DNM3: variants seen among roughly 807,000 people sequenced by gnomAD.
The protein encoded by DNM3 is dynamin-3.
A neutral mutation model predicts 101.6 loss-of-function variants in DNM3; 47 were observed. The observed-to-expected ratio is 0.46, with a 90% CI of 0.37 to 0.59. The LOEUF is 0.59. Among genes scored for constraint, DNM3 ranks in the 20% least tolerant of loss-of-function variants. The pLI, the probability that DNM3 is intolerant of heterozygous loss-of-function variation, is 0.00. For missense variants in DNM3, 849 were observed against 1,085.7 expected, an observed-to-expected ratio of 0.78 and a Z score of 3.06; for synonymous variants, 385 against 387.9, an observed-to-expected ratio of 0.99 and a Z score of 0.09.
At chr1:172,400,793 A>C (rs1304219664) in intron 20 of DNM3, among the ~76,000 whole-genome samples, 3 of 152,208 alleles carry the variant, frequency 2.0e-5, no homozygotes, top group Non-Finnish European at 2.9e-5. Flanking sequence ...ATAAAGAATA[A>C]GACAACCCTT....
intron 14 of DNM3, among the ~76,000 whole-genome samples, chr1:172,152,638 C>T (rs1395788520): frequency 6.6e-6 from 1 of 151,876 alleles, no homozygotes; most frequent in African/African-American, 2.4e-5. Context: ...TGTTGCATTC[C>T]CATACTATAT....
intron 10 of DNM3, among the ~76,000 whole-genome samples, chr1:172,066,585 A>G (rs973798099): frequency 6.6e-6 from 1 of 152,150 alleles, no homozygotes. Context: ...TAAAAGCCCC[A>G]CTTGTCAATA....
intron 1 of DNM3, among the ~76,000 whole-genome samples, chr1:171,893,156 G>C (rs1249439013): frequency 6.6e-6 from 1 of 152,116 alleles, no homozygotes; most frequent in Non-Finnish European, 1.5e-5. Flanking sequence ...TTGCAATAGA[G>C]TTAGACTGTC....
At chr1:172,093,654 C>CT (rs758272046) in intron 13 of DNM3, 24 of 1,571,070 alleles carry the variant, frequency 1.5e-5, no homozygotes, top group African/African-American at 6.9e-5. Context: ...ATTTTAAAAA[C>CT]TTTTTTTCTG....
intron 14 of DNM3, chr1:172,136,965 T>A (rs1237467405): frequency 6.6e-6 from 1 of 152,192 alleles, no homozygotes; most frequent in Non-Finnish European, 1.5e-5. Context: ...AACTTTATGT[T>A]TTAAGGAAAA....
chr1:171,848,371 G>A (rs192705541), intron 1 of DNM3, among the ~76,000 whole-genome samples: 83 of 152,214 alleles, frequency 5.5e-4, no homozygotes, highest in African/African-American at 1.8e-3. Flanking sequence ...ACTTAGGCAA[G>A]TTAATTTGAC....
intron 14 of DNM3, among the ~76,000 whole-genome samples, chr1:172,148,540 A>C (rs10911111): frequency 6.6e-6 from 1 of 151,970 alleles, no homozygotes; most frequent in African/African-American, 2.4e-5. Context: ...TAAACATTGA[A>C]CCAACCATAT....
intron 18 of DNM3, 111 bp downstream of exon 18, chr1:172,379,293 AC>A: frequency 2.1e-6 from 2 of 951,864 alleles, no homozygotes; most frequent in Non-Finnish European, 3.1e-6. Context: ...AAATAATATT[AC>A]CCAGGTTCAT....
intron 1 of DNM3, among the ~76,000 whole-genome samples, chr1:171,906,167 A>G (rs1163387203): frequency 1.4e-5 from 2 of 145,136 alleles, no homozygotes; most frequent in East Asian, 4.0e-4. Context: ...TCCTTCTGTC[A>G]CCCAGGCTGG....
At position 171,921,738 on chromosome 1, in the gene DNM3, CT is replaced by C. The variant is rs901837491; in HGVS notation, c.162-3del. On this transcript the variant is annotated splice_polypyrimidine_tract_variant and intron_variant, in intron 1 of 20. Transcript: ENST00000627582. The stretch of plus-strand genomic sequence containing the variant: ...TTCATGCCTTAATCTGTATTTCTTA[CT>C]TTTTTTAGGGACTTTCTCCCTCGAG... 5 of 1,572,844 alleles carry C rather than the reference CT, an allele frequency of 3.2e-6. No individual in the cohort carries two copies. The highest frequency in any genetic ancestry group is 2.3e-5 in the East Asian group (1 of 43,396).
At chr1:172,059,647 C>G (rs78207753) in intron 10 of DNM3, among the ~76,000 whole-genome samples, 3,654 of 69,016 alleles carry the variant, frequency 0.053, 19 homozygotes, top group East Asian at 0.16. Context: ...ATTCAACAAC[C>G]CTTCATGCTA....
intron 10 of DNM3, among the ~76,000 whole-genome samples, chr1:172,066,791 G>GATCT (rs1447107603): frequency 6.6e-6 from 1 of 152,084 alleles, no homozygotes; most frequent in Non-Finnish European, 1.5e-5. Flanking sequence ...CACGTAAGTG[G>GATCT]ATCTACCTTC....
At chr1:171,980,068 T>A (rs1282298384) in intron 2 of DNM3, among the ~76,000 whole-genome samples, 4 of 152,088 alleles carry the variant, frequency 2.6e-5, no homozygotes, top group Admixed American at 1.3e-4. Context: ...CTCACCCTAT[T>A]GTTCTTAACT....
chr1:172,120,043 T>G (rs1410297688), intron 13 of DNM3, among the ~76,000 whole-genome samples: 1 of 152,218 alleles, frequency 6.6e-6, no homozygotes, highest in African/African-American at 2.4e-5. Flanking sequence ...CTCTCGAATC[T>G]CTTCACCAAC....
chr1:172,271,673 A>G (rs1417338867), intron 15 of DNM3, among the ~76,000 whole-genome samples: 1 of 152,126 alleles, frequency 6.6e-6, no homozygotes, highest in Non-Finnish European at 1.5e-5. Flanking sequence ...TTAAAAGTTA[A>G]TTGCAATGAG....
intron 1 of DNM3, among the ~76,000 whole-genome samples, chr1:171,910,218 C>G (rs2039182747): frequency 6.6e-6 from 1 of 152,180 alleles, no homozygotes; most frequent in South Asian, 2.1e-4. Flanking sequence ...ATACAATAGT[C>G]TTCCCTTATC....
At chr1:172,195,185 A>G (rs2059902832) in intron 14 of DNM3, among the ~76,000 whole-genome samples, 1 of 151,960 alleles carries the variant, frequency 6.6e-6, no homozygotes, top group African/African-American at 2.4e-5. Context: ...AAACATCCAA[A>G]CCATATCAAT....
At chr1:172,387,081 C>T in intron 18 of DNM3, 52 bp from the exon 19 acceptor site, 1 of 1,457,886 alleles carries the variant, frequency 6.9e-7, no homozygotes, top group South Asian at 1.2e-5. Context: ...TTTCTACCTC[C>T]ACTCAGTCAC....
chr1:172,092,917 G>T (rs1209926353), intron 13 of DNM3, 42 bp downstream of exon 13: 2 of 1,505,662 alleles, frequency 1.3e-6, no homozygotes, highest in Non-Finnish European at 1.8e-6. Flanking sequence ...ATGTCCCAAA[G>T]AATTTGAACT....
Sources: gnomAD v4.1 joint callset for allele counts (sites outside exome capture counted in the v4.1 genomes callset) on GRCh38, gnomAD v4.1.1 for gene constraint, MANE v1.5 for transcripts, NCBI Gene and HGNC (gene_info 2026-07-23, HGNC 2026-07-21) for gene names.